The following WNK1 variants were observed in gnomAD, a reference collection of about 807,000 sequenced individuals.
WNK1 encodes serine/threonine-protein kinase WNK1.
A neutral mutation model predicts 222.8 loss-of-function variants in WNK1; 38 were observed. The observed-to-expected ratio is 0.17, with a 90% CI of 0.13 to 0.22. WNK1 has a LOEUF of 0.22. Among genes scored for constraint, WNK1 ranks in the 10% least tolerant of loss-of-function variants. The pLI is 1.00. For synonymous variants in WNK1, 1,090 were observed against 1,092.9 expected (o/e 1.00, Z 0.05); for missense variants, 2,348 against 2,918.4 (o/e 0.80, Z 4.50).
At chr12:837,132 A>AG (rs1279992490) in intron 4 of WNK1, among the ~76,000 whole-genome samples, 3 of 152,266 alleles carry the variant, frequency 2.0e-5, no homozygotes, top group Non-Finnish European at 4.4e-5. Flanking sequence ...GAGAGACTCC[A>AG]GGGATGCCTC....
Position 857,254 on chromosome 12 carries a change from G to A in WNK1, c.1400+5G>A. 1.2e-6 allele frequency: 2 copies of A among 1,613,750 alleles called. No individual in the cohort carries two copies. The highest frequency in any genetic ancestry group is 1.7e-6 in the Non-Finnish European group (2 of 1,179,646). ...ACGACAAAACAAAGATGAAAGGTAA[G>A]TTGCCTCTTTTGATCTGGGTGATAC... On this transcript the variant is annotated splice_donor_5th_base_variant and intron_variant, in intron 5 of 27. Coordinates refer to ENST00000315939, the MANE Select transcript of WNK1 (RefSeq NM_018979.4).
intron 1 of WNK1, among the ~76,000 whole-genome samples, chr12:759,450 C>T (rs1254475016): frequency 2.0e-5 from 3 of 147,200 alleles, no homozygotes; most frequent in Non-Finnish European, 4.5e-5. Context: ...CCTGCCTCAG[C>T]CCCCTGAGTA....
intron 1 of WNK1, among the ~76,000 whole-genome samples, chr12:758,373 C>CTTTTTTTTTTTTT (rs397957357): frequency 7.7e-5 from 5 of 64,720 alleles, no homozygotes; most frequent in African/African-American, 1.8e-4. Flanking sequence ...TGCTATAGTT[C>CTTTTTTTTTTTTT]TTTTTTTTTT....
intron 1 of WNK1, among the ~76,000 whole-genome samples, chr12:756,687 C>G (rs1940087007): frequency 6.6e-6 from 1 of 152,202 alleles, no homozygotes; most frequent in Non-Finnish European, 1.5e-5. Flanking sequence ...ACTTGCACTA[C>G]ATGCCTAATA....
intron 9 of WNK1, among the ~76,000 whole-genome samples, chr12:874,503 T>C (rs1278467732): frequency 6.6e-6 from 1 of 152,190 alleles, no homozygotes; most frequent in Non-Finnish European, 1.5e-5. Flanking sequence ...AATTTGTCCA[T>C]AAAACTGCTC....
chr12:866,683 A>G (rs1951698185), intron 8 of WNK1, among the ~76,000 whole-genome samples: 1 of 151,914 alleles, frequency 6.6e-6, no homozygotes, highest in Non-Finnish European at 1.5e-5. Flanking sequence ...TATAGTGTAT[A>G]TTGTTTGCAT....
chr12:838,124 A>G (rs1207101415), intron 4 of WNK1, among the ~76,000 whole-genome samples: 1 of 149,658 alleles, frequency 6.7e-6, no homozygotes, highest in African/African-American at 2.5e-5. Context: ...TATAAACACA[A>G]TTGTTTAGCC....
At position 763,450 on chromosome 12, in the gene WNK1, G is replaced by A. The variant is rs1022324870; in HGVS notation, c.759+9126G>A. 2.0e-4 allele frequency among the ~76,000 whole-genome samples: 30 copies of A among 146,716 alleles called. 1 individual carries two copies. The highest frequency in any genetic ancestry group is 7.3e-4 in the African/African-American group (30 of 40,958). On this transcript the variant is annotated intron_variant, in intron 1 of 27. Coordinates refer to ENST00000315939, the MANE Select transcript of WNK1 (RefSeq NM_018979.4). ...AATACAAAAAAAAAACTAGCCGGGT[G>A]TGGTGGTGCATGCCTGTAATCCCAG...
At chr12:791,488 T>G (rs1354288210) in intron 1 of WNK1, among the ~76,000 whole-genome samples, 1 of 152,134 alleles carries the variant, frequency 6.6e-6, no homozygotes, top group Admixed American at 6.5e-5. Flanking sequence ...ATCTTTGCTT[T>G]TCTATAATAA....
intron 26 of WNK1, among the ~76,000 whole-genome samples, chr12:902,157 G>T (rs2154099381): frequency 6.6e-6 from 1 of 151,898 alleles, no homozygotes; most frequent in East Asian, 1.9e-4. Context: ...AAGTTAGCCT[G>T]GCATGGTGGT....
At chr12:891,602 C>CTTTTTTTTTTTTTTTTTTTTTT (rs71441624) in intron 22 of WNK1, among the ~76,000 whole-genome samples, 1 of 126,010 alleles carries the variant, frequency 7.9e-6, no homozygotes, top group Admixed American at 8.0e-5. Flanking sequence ...GATTTTTTTT[C>CTTTTTTTTTTTTTTTTTTTTTT]TTTTTTTTTT....
intron 4 of WNK1, among the ~76,000 whole-genome samples, chr12:848,175 A>C (rs1950163019): frequency 1.3e-5 from 2 of 152,204 alleles, no homozygotes; most frequent in Non-Finnish European, 2.9e-5. Flanking sequence ...AGGACTCTTA[A>C]TCTGGTTTAT....
At chr12:784,882 C>T (rs191750624) in intron 1 of WNK1, among the ~76,000 whole-genome samples, 4 of 152,244 alleles carry the variant, frequency 2.6e-5, no homozygotes, top group Admixed American at 6.5e-5. Context: ...TTGGTCTCCT[C>T]ATTTGTGAAA....
intron 4 of WNK1, among the ~76,000 whole-genome samples, chr12:837,446 C>T (rs532332169): frequency 2.6e-5 from 4 of 151,670 alleles, no homozygotes; most frequent in Non-Finnish European, 5.9e-5. Flanking sequence ...CGGTGGCGGG[C>T]GCCTGTAATC....
intron 9 of WNK1, among the ~76,000 whole-genome samples, chr12:875,989 T>G (rs554178188): frequency 6.6e-6 from 1 of 152,342 alleles, no homozygotes; most frequent in South Asian, 2.1e-4. Flanking sequence ...GGTGGGAAAT[T>G]AACAAATTTG....
chr12:788,886 CG>C (rs200013881), intron 1 of WNK1, among the ~76,000 whole-genome samples: 11,482 of 148,246 alleles, frequency 0.077, 645 homozygotes, highest in African/African-American at 0.14. Context: ...GACTCTGTCT[CG>C]GGGGGGAAAA....
In WNK1 at chr12:796,974, A is replaced by C. The variant is rs186211574; in HGVS notation, c.760-16668A>C. ...TTTTAATCTCCTTATTGTTATGTGA[A>C]GTTCTCAAGATTTTAGTGTTTATCC... On this transcript the variant is annotated intron_variant, in intron 1 of 27. Transcript: ENST00000315939. 4.0e-3 allele frequency among the ~76,000 whole-genome samples: 607 copies of C among 152,282 alleles called. 4 individuals carry two copies. The highest frequency in any genetic ancestry group is 0.031 in the South Asian group (149 of 4,818).
chr12:830,208 A>G, intron 4 of WNK1, 48 bp downstream of exon 4: 1 of 1,599,262 alleles, frequency 6.3e-7, no homozygotes, highest in Non-Finnish European at 8.6e-7. Flanking sequence ...TATCTAACAA[A>G]GAATCCCAAG....
chr12:820,610 G>A (rs1947780387), intron 2 of WNK1, among the ~76,000 whole-genome samples: 1 of 151,790 alleles, frequency 6.6e-6, no homozygotes, highest in African/African-American at 2.4e-5. Flanking sequence ...GAGTAGCTGG[G>A]ACTCCAGGTG....
Sources: gnomAD v4.1 joint callset for allele counts (sites outside exome capture counted in the v4.1 genomes callset) on GRCh38, gnomAD v4.1.1 for gene constraint, MANE v1.5 for transcripts, NCBI Gene and HGNC (gene_info 2026-07-23, HGNC 2026-07-21) for gene names.